The following ASIC2 variants were observed in gnomAD, a reference collection of about 807,000 sequenced individuals.
The protein encoded by ASIC2 is acid-sensing ion channel 2.
Under a neutral mutation model 57.3 loss-of-function variants are expected in ASIC2, and 25 were observed. That is an observed-to-expected ratio of 0.44 (90% CI 0.32 to 0.61). The LOEUF (loss-of-function observed/expected upper bound fraction) is 0.61, where lower values mean the gene tolerates loss of function less well. Ranked by LOEUF, ASIC2 falls within the 20% of genes least tolerant of loss-of-function variation. ASIC2 has a pLI of 0.06. For synonymous variants in ASIC2, 319 were observed against 307.5 expected (o/e 1.04, Z -0.39); for missense variants, 641 against 738.1 (o/e 0.87, Z 1.52).
At chr17:34,012,585 G>A (rs976817099) in intron 1 of ASIC2, among the ~76,000 whole-genome samples, 2 of 152,104 alleles carry the variant, frequency 1.3e-5, no homozygotes, top group Non-Finnish European at 2.9e-5. Context: ...CCTTTAGAAA[G>A]GGTTAAATGC....
chr17:33,299,586 G>C (rs969623617), intron 1 of ASIC2, among the ~76,000 whole-genome samples: 1 of 151,754 alleles, frequency 6.6e-6, no homozygotes, highest in Non-Finnish European at 1.5e-5. Context: ...TCTTTTTCTG[G>C]GGTCTTTTTT....
At chr17:33,721,516 C>T (rs1909387025) in intron 1 of ASIC2, among the ~76,000 whole-genome samples, 1 of 152,168 alleles carries the variant, frequency 6.6e-6, no homozygotes, top group South Asian at 2.1e-4. Flanking sequence ...AATGATGGCT[C>T]CTCTGCCAAC....
chr17:33,891,022 C>T (rs1437922525), intron 1 of ASIC2, among the ~76,000 whole-genome samples: 1 of 152,014 alleles, frequency 6.6e-6, no homozygotes, highest in Non-Finnish European at 1.5e-5. Flanking sequence ...ATCCTTGAGC[C>T]CTTCTTTGAA....
At chr17:33,494,495 A>G (rs562269435) in intron 1 of ASIC2, among the ~76,000 whole-genome samples, 4 of 152,220 alleles carry the variant, frequency 2.6e-5, no homozygotes, top group African/African-American at 4.8e-5. Context: ...TCACACGAGT[A>G]TTGAGATAGG....
chr17:33,706,000 G>A (rs1908849932), intron 1 of ASIC2, among the ~76,000 whole-genome samples: 1 of 151,990 alleles, frequency 6.6e-6, no homozygotes, highest in Non-Finnish European at 1.5e-5. Context: ...TACGTTATAT[G>A]TGTGCCCACT....
chr17:33,449,449 T>C (rs1018545781), intron 1 of ASIC2, among the ~76,000 whole-genome samples: 3 of 152,212 alleles, frequency 2.0e-5, no homozygotes, highest in Admixed American at 1.3e-4. Context: ...TGTTTGCTTC[T>C]TGTCCTCTGG....
At position 33,915,210 on chromosome 17, in the gene ASIC2, T is replaced by A. The variant is rs536476531; in HGVS notation, c.555+240768A>T. Among the ~76,000 whole-genome samples the A allele has an allele frequency of 5.9e-5, 9 of 152,318 alleles. No homozygotes were observed. The East Asian group carries it at 1.7e-3, about 29-fold the overall frequency. On this transcript the variant is annotated intron_variant, in intron 1 of 9. Transcript: ENST00000359872. ...AAGTGAGGCTCAATAGCTGTGCAAATCTGAGACCTGGGAGCAAGAAGACAA... is the reference window on the plus strand; with the variant it reads ...AAGTGAGGCTCAATAGCTGTGCAAAACTGAGACCTGGGAGCAAGAAGACAA...
At chr17:33,479,861 G>C (rs1255185627) in intron 1 of ASIC2, among the ~76,000 whole-genome samples, 1 of 151,986 alleles carries the variant, frequency 6.6e-6, no homozygotes, top group East Asian at 1.9e-4. Flanking sequence ...CTTTAAAACT[G>C]TGTGCTCCCG....
intron 1 of ASIC2, among the ~76,000 whole-genome samples, chr17:33,396,026 T>C (rs1910065174): frequency 6.6e-6 from 1 of 152,232 alleles, no homozygotes; most frequent in Non-Finnish European, 1.5e-5. Flanking sequence ...CGTCAGACTC[T>C]TGTCTTTCAC....
At chr17:33,550,593 C>G (rs1915722547) in intron 1 of ASIC2, among the ~76,000 whole-genome samples, 1 of 152,190 alleles carries the variant, frequency 6.6e-6, no homozygotes, top group Admixed American at 6.5e-5. Context: ...AGGTTTGGTC[C>G]TGTCTATATC....
At chr17:33,323,338 A>G (rs541208517) in intron 1 of ASIC2, among the ~76,000 whole-genome samples, 3 of 152,366 alleles carry the variant, frequency 2.0e-5, no homozygotes, top group Non-Finnish European at 4.4e-5. Context: ...ACAGTAGAGT[A>G]CTATACAACA....
intron 1 of ASIC2, among the ~76,000 whole-genome samples, chr17:33,251,047 A>G (rs1431956911): frequency 6.6e-6 from 1 of 152,210 alleles, no homozygotes; most frequent in Non-Finnish European, 1.5e-5. Flanking sequence ...AATTCGCTGC[A>G]TAGTTATATT....
intron 1 of ASIC2, among the ~76,000 whole-genome samples, chr17:33,558,814 A>T (rs943586524): frequency 6.6e-6 from 1 of 151,576 alleles, no homozygotes; most frequent in Non-Finnish European, 1.5e-5. Context: ...TTTTTTTTTT[A>T]GACGGAGTCT....
intron 1 of ASIC2, among the ~76,000 whole-genome samples, chr17:33,127,270 G>A (rs2092327620): frequency 6.6e-6 from 1 of 152,156 alleles, no homozygotes; most frequent in African/African-American, 2.4e-5. Flanking sequence ...GGCAGACGTG[G>A]GATCTCGACC....
intron 1 of ASIC2, among the ~76,000 whole-genome samples, chr17:33,845,354 G>A (rs187047407): frequency 1.8e-3 from 268 of 152,184 alleles, no homozygotes; most frequent in African/African-American, 3.3e-3. Flanking sequence ...TTTGTTTTAC[G>A]AGTAATATTA....
At chr17:33,451,107 AGTGCAGTG>A (rs1465264071) in intron 1 of ASIC2, among the ~76,000 whole-genome samples, 1 of 150,756 alleles carries the variant, frequency 6.6e-6, no homozygotes, top group Non-Finnish European at 1.5e-5. Context: ...CCCAGGCTGG[AGTGCAGTG>A]GTGCAGTCTC....
chr17:33,038,549 A>T (rs535619793), intron 3 of ASIC2, among the ~76,000 whole-genome samples: 1 of 152,294 alleles, frequency 6.6e-6, no homozygotes, highest in African/African-American at 2.4e-5. Flanking sequence ...CCCAGGATTG[A>T]GATGCTCCTG....
At chr17:33,885,405 T>C (rs1353375826) in intron 1 of ASIC2, among the ~76,000 whole-genome samples, 1 of 152,210 alleles carries the variant, frequency 6.6e-6, no homozygotes, top group East Asian at 1.9e-4. Context: ...TGATCAGGTG[T>C]TACCATCTAC....
intron 3 of ASIC2, among the ~76,000 whole-genome samples, chr17:33,073,490 G>T (rs2092077427): frequency 6.6e-6 from 1 of 152,174 alleles, no homozygotes. Context: ...CCATGTATAA[G>T]ATGGGCACAG....
Sources: gnomAD v4.1 joint callset for allele counts (sites outside exome capture counted in the v4.1 genomes callset) on GRCh38, gnomAD v4.1.1 for gene constraint, MANE v1.5 for transcripts, NCBI Gene and HGNC (gene_info 2026-07-23, HGNC 2026-07-21) for gene names.